Variants in ADAMTS3 observed in about 807,000 individuals in gnomAD.
ADAMTS3 encodes A disintegrin and metalloproteinase with thrombospondin motifs 3.
In ADAMTS3, 73 loss-of-function variants were observed where a neutral mutation model predicts 129.0. That is an observed-to-expected ratio of 0.57 (90% CI 0.47 to 0.69). The LOEUF (loss-of-function observed/expected upper bound fraction) is 0.69. ADAMTS3 is among the 30% of genes least tolerant of loss of function. The pLI, the probability that ADAMTS3 is intolerant of heterozygous loss-of-function variation, is 0.00. For missense variants in ADAMTS3, 1,457 were observed against 1,514.5 expected (o/e 0.96, Z 0.63); for synonymous variants, 477 against 510.8 (o/e 0.93, Z 0.89).
chr4:72,320,792 A>C lies in ADAMTS3; in HGVS notation c.1024T>G (p.Ser342Ala). 6 of 1,614,042 alleles carry C rather than the reference A, an allele frequency of 3.7e-6. No individual in the cohort carries two copies. Among genetic ancestry groups the C allele is most frequent in the Non-Finnish European group, 5.1e-6 (6 of 1,179,932 alleles). The change falls in exon 7 of 22, where the codon TCT becomes GCT. Residue 342 changes from serine to alanine, a missense_variant. Ser to Ala is a moderately conservative substitution (Grantham distance 99). Coordinates refer to ENST00000286657, the MANE Select transcript of ADAMTS3 (RefSeq NM_014243.3). ...VCRWASQQQR[S>A]DLNHSEHHDH... ...TGGTGTTCAGAGTGGTTGAGATCAG[A>C]TCTTTGCTGTTGGGACGCCCAGCGA...
At chr4:72,550,045 G>GAAGAAGAAGAA (rs1491279074) in intron 2 of ADAMTS3, among the ~76,000 whole-genome samples, 1 of 4,860 alleles carries the variant, frequency 2.1e-4, no homozygotes, top group Non-Finnish European at 6.2e-4. Flanking sequence ...AAGAAGAAGA[G>GAAGAAGAAGAA]GAAGAGGAAG....
chr4:72,507,716 A>C (rs1406362105), intron 3 of ADAMTS3, among the ~76,000 whole-genome samples: 1 of 152,140 alleles, frequency 6.6e-6, no homozygotes, highest in Non-Finnish European at 1.5e-5. Context: ...CACTATAAAA[A>C]TCCCACCACT....
intron 3 of ADAMTS3, among the ~76,000 whole-genome samples, chr4:72,492,253 GATTT>G (rs897565730): frequency 1.3e-5 from 2 of 150,204 alleles, no homozygotes; most frequent in African/African-American, 2.4e-5. Flanking sequence ...TTCTCTATTT[GATTT>G]ATTTCTTTTC....
intron 3 of ADAMTS3, among the ~76,000 whole-genome samples, chr4:72,508,328 G>A (rs2110031179): frequency 6.6e-6 from 1 of 152,110 alleles, no homozygotes; most frequent in East Asian, 1.9e-4. Context: ...GTTAAAATGG[G>A]TTAGTGGTTA....
At chr4:72,290,488 G>A (rs1194923929) in intron 20 of ADAMTS3, among the ~76,000 whole-genome samples, 2 of 152,176 alleles carry the variant, frequency 1.3e-5, no homozygotes, top group Non-Finnish European at 2.9e-5. Context: ...CTCGAACTGG[G>A]ACAAAGAGTT....
chr4:72,423,157 T>C (rs1024310454), intron 3 of ADAMTS3, among the ~76,000 whole-genome samples: 3 of 152,150 alleles, frequency 2.0e-5, no homozygotes, highest in African/African-American at 4.8e-5. Context: ...GTAGCTTTTT[T>C]TGGTGCCTCA....
chr4:72,401,522 G>A (rs1230157725), intron 4 of ADAMTS3, among the ~76,000 whole-genome samples: 7 of 131,034 alleles, frequency 5.3e-5, no homozygotes, highest in African/African-American at 8.8e-5. Flanking sequence ...GGCTGAGATC[G>A]CGCCACTGCA....
At chr4:72,317,266 G>C (rs72862344) in intron 10 of ADAMTS3, among the ~76,000 whole-genome samples, 8,217 of 152,052 alleles carry the variant, frequency 0.054, 763 homozygotes, top group African/African-American at 0.19. Context: ...ACTTTTCCAT[G>C]ACATTAAGCC....
chr4:72,295,613 G>C (rs777410055), intron 19 of ADAMTS3, 41 bp downstream of exon 19: 38 of 1,579,684 alleles, frequency 2.4e-5, no homozygotes, highest in Middle Eastern at 1.7e-4. Context: ...GTGAAGTCCT[G>C]ATTTTGACCT....
chr4:72,538,003 A>C (rs1163841724), intron 3 of ADAMTS3, among the ~76,000 whole-genome samples: 1 of 152,230 alleles, frequency 6.6e-6, no homozygotes, highest in Non-Finnish European at 1.5e-5. Flanking sequence ...ACTGTACTGG[A>C]AAATTCACTA....
chr4:72,421,771 T>C (rs1722451447), intron 3 of ADAMTS3, among the ~76,000 whole-genome samples: 1 of 152,210 alleles, frequency 6.6e-6, no homozygotes, highest in Admixed American at 6.5e-5. Context: ...TAGATTCTTC[T>C]GCACCTCTTC....
intron 4 of ADAMTS3, among the ~76,000 whole-genome samples, chr4:72,382,631 C>A (rs1280318382): frequency 6.6e-6 from 1 of 152,130 alleles, no homozygotes; most frequent in African/African-American, 2.4e-5. Context: ...TGGACTCAAA[C>A]TAGGTGTCTA....
At chr4:72,474,678 G>A (rs1198738126) in intron 3 of ADAMTS3, among the ~76,000 whole-genome samples, 2 of 152,090 alleles carry the variant, frequency 1.3e-5, no homozygotes, top group Non-Finnish European at 2.9e-5. Context: ...AATATGTAGA[G>A]TAACCACCAG....
intron 3 of ADAMTS3, among the ~76,000 whole-genome samples, chr4:72,465,172 G>T (rs977171705): frequency 3.3e-5 from 5 of 151,950 alleles, no homozygotes; most frequent in African/African-American, 1.2e-4. Context: ...AGGTATCAGA[G>T]GAACCATTTT....
intron 3 of ADAMTS3, among the ~76,000 whole-genome samples, chr4:72,535,525 C>G (rs569060450): frequency 1.3e-5 from 2 of 152,234 alleles, no homozygotes; most frequent in Non-Finnish European, 2.9e-5. Flanking sequence ...CCAGAAGTCT[C>G]CTACATTTTA....
At chr4:72,387,485 C>A (rs79059231) in intron 4 of ADAMTS3, among the ~76,000 whole-genome samples, 1 of 152,202 alleles carries the variant, frequency 6.6e-6, no homozygotes, top group South Asian at 2.1e-4. Context: ...TATGCCAAAC[C>A]AGGTACTATT....
intron 3 of ADAMTS3, among the ~76,000 whole-genome samples, chr4:72,420,293 T>A (rs1722409946): frequency 6.6e-6 from 1 of 152,178 alleles, no homozygotes; most frequent in African/African-American, 2.4e-5. Flanking sequence ...ACTCCAGCCA[T>A]GATGGGCTCC....
At chr4:72,389,275 A>T (rs184815668) in intron 4 of ADAMTS3, among the ~76,000 whole-genome samples, 84 of 152,342 alleles carry the variant, frequency 5.5e-4, no homozygotes, top group African/African-American at 2.0e-3. Context: ...ATATAAATCC[A>T]GCAAAAATAA....
chr4:72,295,290 T>C (rs75655663), intron 19 of ADAMTS3, among the ~76,000 whole-genome samples: 1 of 152,056 alleles, frequency 6.6e-6, no homozygotes, highest in African/African-American at 2.4e-5. Flanking sequence ...TGGGTGTGCA[T>C]TTGCGGAGTG....
Sources: allele counts gnomAD v4.1 joint callset (sites outside exome capture counted in the v4.1 genomes callset), GRCh38; gene constraint gnomAD v4.1.1; transcripts MANE v1.5; gene names NCBI Gene and HGNC (gene_info 2026-07-23, HGNC 2026-07-21).